Variants in FRMD6 observed in about 807,000 individuals in gnomAD.
FRMD6 encodes FERM domain containing 6.
Under a neutral mutation model 73.2 loss-of-function variants are expected in FRMD6, and 37 were observed. That is an observed-to-expected ratio of 0.51 (90% CI 0.39 to 0.66). The LOEUF (loss-of-function observed/expected upper bound fraction) is 0.66, where lower values mean the gene tolerates loss of function less well. Among genes scored for constraint, FRMD6 ranks in the 30% least tolerant of loss-of-function variants. The probability of loss-of-function intolerance (pLI) is 0.00; values close to 1 mark genes in which losing one functional copy is unlikely to be tolerated. For missense variants in FRMD6, 714 were observed against 780.5 expected (o/e 0.91, Z 1.02); for synonymous variants, 273 against 282.2 (o/e 0.97, Z 0.33).
At chr14:51,508,934 G>C (rs1884132289) in intron 1 of FRMD6, among the ~76,000 whole-genome samples, 1 of 152,072 alleles carries the variant, frequency 6.6e-6, no homozygotes, top group Non-Finnish European at 1.5e-5. Context: ...AAAGCCAATG[G>C]AGTCCAACAG....
In FRMD6 at chr14:51,563,934, T is replaced by A. The variant is rs1674087217; in HGVS notation, c.-209-6414T>A. Among the ~76,000 whole-genome samples the A allele has an allele frequency of 3.9e-5, 6 of 152,248 alleles. No individual in the cohort carries two copies. In the South Asian group the frequency reaches 1.2e-3, roughly 31 times the overall value. Reference sequence around the variant, plus strand: ...AGATTAATAACTTTGCGATCGCAAGTCATAAACTTTCAAGTTCTAACCACT... The same window carrying A: ...AGATTAATAACTTTGCGATCGCAAGACATAAACTTTCAAGTTCTAACCACT... On this transcript the variant is annotated intron_variant, in intron 1 of 14. Coordinates refer to the FRMD6 transcript ENST00000356218.
At chr14:51,462,846 G>A in the FRMD6 span, among the ~76,000 whole-genome samples, 1 of 152,210 alleles carries the variant, frequency 6.6e-6, no homozygotes, top group Middle Eastern at 3.4e-3. Context: ...ACTCACAGAT[G>A]AAGAAATGAA....
intron 1 of FRMD6, among the ~76,000 whole-genome samples, chr14:51,536,953 A>T (rs1408170679): frequency 6.6e-6 from 1 of 152,160 alleles, no homozygotes; most frequent in African/African-American, 2.4e-5. Context: ...TGCCCCCCAC[A>T]CACAGTCTCC....
chr14:51,606,234 C>G (rs1199756106), intron 2 of FRMD6, among the ~76,000 whole-genome samples: 3 of 151,680 alleles, frequency 2.0e-5, no homozygotes, highest in African/African-American at 7.2e-5. Flanking sequence ...TATCCTCAAA[C>G]TCACCAACTC....
chr14:51,599,647 C>G (rs1889921720), intron 2 of FRMD6, among the ~76,000 whole-genome samples: 1 of 151,872 alleles, frequency 6.6e-6, no homozygotes, highest in African/African-American at 2.4e-5. Context: ...ATTGAACAAG[C>G]AAAAAGCAAT....
chr14:51,545,128 A>T lies in FRMD6; in HGVS notation c.-209-25220A>T, dbSNP rs963463361. 2.0e-5 allele frequency among the ~76,000 whole-genome samples: 3 copies of T among 152,220 alleles called. No individual in the cohort carries two copies. The South Asian group carries it at 6.2e-4, about 32-fold the overall frequency. On this transcript the variant is annotated intron_variant, in intron 1 of 14. Coordinates refer to the FRMD6 transcript ENST00000356218. Reference sequence around the variant, plus strand: ...TTAATTTTTGTTAACGTGCCCAGACATGCACTAGACACAGTTATCTTCAAA... The same window carrying T: ...TTAATTTTTGTTAACGTGCCCAGACTTGCACTAGACACAGTTATCTTCAAA...
At chr14:51,432,058 A>G in the FRMD6 span, among the ~76,000 whole-genome samples, 18 of 152,360 alleles carry the variant, frequency 1.2e-4, no homozygotes, top group East Asian at 3.5e-3. Flanking sequence ...CAAATAACAC[A>G]TAACGACAAG....
intron 1 of FRMD6, among the ~76,000 whole-genome samples, chr14:51,556,141 C>T (rs1229696268): frequency 1.3e-5 from 2 of 152,174 alleles, no homozygotes; most frequent in African/African-American, 2.4e-5. Flanking sequence ...CAAGGTACAC[C>T]TCTGCTGTTC....
intron 1 of FRMD6, among the ~76,000 whole-genome samples, chr14:51,662,875 A>C (rs1893319817): frequency 6.6e-6 from 1 of 152,262 alleles, no homozygotes; most frequent in South Asian, 2.1e-4. Context: ...AAATATTTGC[A>C]AAGTATGTAC....
upstream of FRMD6, among the ~76,000 whole-genome samples, chr14:51,648,186 A>G (rs1387994931): frequency 2.0e-5 from 3 of 152,218 alleles, no homozygotes; most frequent in African/African-American, 7.2e-5. Context: ...GCTAATCTTA[A>G]TTGTCAACAT....
At chr14:51,699,967 A>G (rs1454910369) in intron 3 of FRMD6, among the ~76,000 whole-genome samples, 1 of 151,890 alleles carries the variant, frequency 6.6e-6, no homozygotes. Context: ...TCTCTTTTCT[A>G]ACCCTTTCAT....
At chr14:51,476,991 C>T in the FRMD6 span, among the ~76,000 whole-genome samples, 6 of 152,046 alleles carry the variant, frequency 3.9e-5, no homozygotes, top group Non-Finnish European at 8.8e-5. Context: ...AAGCGTTCAG[C>T]GAGAAGACAG....
chr14:51,527,433 C>T (rs1885319599), intron 1 of FRMD6, among the ~76,000 whole-genome samples: 1 of 152,110 alleles, frequency 6.6e-6, no homozygotes, highest in Non-Finnish European at 1.5e-5. Context: ...AACAGGTTAC[C>T]ATTAGGCAAG....
intron 1 of FRMD6, among the ~76,000 whole-genome samples, chr14:51,686,870 C>G (rs1477633811): frequency 6.6e-6 from 1 of 152,108 alleles, no homozygotes; most frequent in African/African-American, 2.4e-5. Context: ...AAGTTTTATA[C>G]TGGTGCATAT....
intron 1 of FRMD6, among the ~76,000 whole-genome samples, chr14:51,498,484 T>G (rs1412786333): frequency 6.6e-6 from 1 of 152,210 alleles, no homozygotes; most frequent in African/African-American, 2.4e-5. Flanking sequence ...AATTTGTTAT[T>G]TCTCATGATT....
intron 1 of FRMD6, among the ~76,000 whole-genome samples, chr14:51,500,540 C>CA (rs112445619): frequency 3.1e-4 from 44 of 141,466 alleles, no homozygotes; most frequent in Middle Eastern, 3.8e-3. Flanking sequence ...GACTCTGTCT[C>CA]AAAAAAAAAA....
At chr14:51,721,764 AAGG>A (rs1897627101) in intron 11 of FRMD6, among the ~76,000 whole-genome samples, 182 bp from the exon 12 acceptor site, 1 of 147,918 alleles carries the variant, frequency 6.8e-6, no homozygotes, top group African/African-American at 2.5e-5. Context: ...GGAAGGAGGG[AAGG>A]AGGGAAGGAG....
At chr14:51,710,840 A>G (rs1033386778) in intron 7 of FRMD6, among the ~76,000 whole-genome samples, 6 of 152,126 alleles carry the variant, frequency 3.9e-5, no homozygotes, top group African/African-American at 1.4e-4. Flanking sequence ...TGAATTTTTA[A>G]TTGTGGAGGT....
chr14:51,548,251 T>A (rs1306866206), intron 1 of FRMD6, among the ~76,000 whole-genome samples: 1 of 152,242 alleles, frequency 6.6e-6, no homozygotes, highest in East Asian at 1.9e-4. Context: ...AGAAAATAAA[T>A]GAGAATGTTC....
Sources: allele counts gnomAD v4.1 joint callset (sites outside exome capture counted in the v4.1 genomes callset), GRCh38; gene constraint gnomAD v4.1.1; transcripts MANE v1.5; gene names NCBI Gene and HGNC (gene_info 2026-07-23, HGNC 2026-07-21).